Variants in XPO1 observed in about 807,000 individuals in gnomAD.
The protein encoded by XPO1 is exportin 1.
In XPO1, 5 loss-of-function variants were observed where a neutral mutation model predicts 133.3. The observed-to-expected ratio is 0.04, with a 90% confidence interval of 0.02 to 0.08. The LOEUF (loss-of-function observed/expected upper bound fraction) is 0.08, where lower values mean the gene tolerates loss of function less well. XPO1 is among the 10% of genes least tolerant of loss of function. The pLI is 1.00. For synonymous variants in XPO1, 419 were observed against 408.2 expected, an observed-to-expected ratio of 1.03 and a Z score of -0.32; for missense variants, 506 against 1,267.5, an observed-to-expected ratio of 0.40 and a Z score of 9.12.
intron 7 of XPO1, among the ~76,000 whole-genome samples, chr2:61,499,348 G>T (rs1034552447): frequency 1.3e-5 from 2 of 152,152 alleles, no homozygotes; most frequent in African/African-American, 4.8e-5. Flanking sequence ...AGGAGGTGGG[G>T]GTTGTGGTGA....
intron 20 of XPO1, chr2:61,484,719 C>G (rs1696590147): frequency 6.5e-6 from 1 of 152,714 alleles, no homozygotes; most frequent in Non-Finnish European, 1.5e-5. Context: ...GCTCCGCCTC[C>G]CGGGTTCATG....
chr2:61,518,410 AAAACAAAAC>A (rs1177118133), intron 4 of XPO1, among the ~76,000 whole-genome samples: 5 of 144,854 alleles, frequency 3.5e-5, no homozygotes, highest in South Asian at 2.1e-4. Context: ...CAAAAAACAA[AAAACAAAAC>A]ACACACACAC....
chr2:61,517,413 G>A (rs756102697), intron 4 of XPO1, among the ~76,000 whole-genome samples: 7 of 152,118 alleles, frequency 4.6e-5, no homozygotes, highest in Admixed American at 6.6e-5. Context: ...GGCAAACTGT[G>A]TCTCTATCAA....
At chr2:61,489,247 C>A (rs1392735242) in intron 17 of XPO1, among the ~76,000 whole-genome samples, 1 of 151,936 alleles carries the variant, frequency 6.6e-6, no homozygotes, top group African/African-American at 2.4e-5. Context: ...AACCCTGTCT[C>A]TACTAAAAAT....
chr2:61,486,199 GAC>G (rs1696685194), intron 19 of XPO1, among the ~76,000 whole-genome samples: 1 of 151,336 alleles, frequency 6.6e-6, no homozygotes, highest in African/African-American at 2.4e-5. Context: ...TTTTTTTTGA[GAC>G]AGTCTCACTG....
intron 22 of XPO1, 141 bp from the exon 23 acceptor site, chr2:61,482,680 A>G (rs1696455809): frequency 5.8e-6 from 5 of 864,584 alleles, no homozygotes; most frequent in Middle Eastern, 3.6e-4. Flanking sequence ...ATCTTAGTTC[A>G]CTGCAACCTC....
chr2:61,535,636 TGA>T (rs773489216), intron 1 of XPO1, among the ~76,000 whole-genome samples: 4 of 152,196 alleles, frequency 2.6e-5, no homozygotes, highest in Non-Finnish European at 4.4e-5. Flanking sequence ...CTCCAAAAGA[TGA>T]GTCACCTATG....
At chr2:61,528,821 T>G (rs1294919416) in intron 2 of XPO1, among the ~76,000 whole-genome samples, 1 of 148,820 alleles carries the variant, frequency 6.7e-6, no homozygotes, top group Non-Finnish European at 1.5e-5. Context: ...ATTAATATTT[T>G]TACCAACAGC....
chr2:61,533,894 G>C lies in XPO1; in HGVS notation c.4C>G (p.Pro2Ala). 1.9e-6 allele frequency: 3 copies of C among 1,540,952 alleles called. No homozygotes were observed. Among genetic ancestry groups the C allele is most frequent in the East Asian group, 2.4e-5 (1 of 42,454 alleles). M[P>A]AIMTMLADHA... ...TCTGCTAACATTGTCATAATTGCTG[G>C]CATAGATTACTGAAAATAAAGAAAA... The change falls in exon 2 of 25, where the codon CCA (proline) becomes GCA (alanine). Residue 2 changes from proline (P) to alanine (A), a missense_variant. Around this residue, in one of 6 missense-constraint regions of XPO1, gnomAD observed 20 missense variants for 20.4 expected, o/e 0.98. Transcript: ENST00000401558.
intron 17 of XPO1, 81 bp from the exon 18 acceptor site, chr2:61,488,852 A>G: frequency 6.7e-7 from 1 of 1,492,994 alleles, no homozygotes; most frequent in Non-Finnish European, 9.1e-7. Flanking sequence ...CTGTAATCCC[A>G]GCACTCTGAG....
intron 17 of XPO1, among the ~76,000 whole-genome samples, chr2:61,490,015 C>T (rs1383820962): frequency 4.0e-5 from 6 of 151,000 alleles, no homozygotes; most frequent in African/African-American, 7.3e-5. Flanking sequence ...CTCAGCCTCC[C>T]GAGTAGCTGG....
intron 1 of XPO1, chr2:61,536,223 T>G (rs946821476): frequency 6.6e-6 from 1 of 152,236 alleles, no homozygotes; most frequent in African/African-American, 2.4e-5. Flanking sequence ...CTGTACATAG[T>G]ACAGAAATGG....
chr2:61,497,251 C>T (rs1361577885), intron 9 of XPO1, among the ~76,000 whole-genome samples: 3 of 152,080 alleles, frequency 2.0e-5, no homozygotes, highest in Admixed American at 1.3e-4. Flanking sequence ...GAGTCTCGCT[C>T]GCCCAGGCTG....
chr2:61,527,269 A>G (rs1698943787), intron 2 of XPO1, among the ~76,000 whole-genome samples: 1 of 149,936 alleles, frequency 6.7e-6, no homozygotes, highest in Non-Finnish European at 1.5e-5. Flanking sequence ...CAGGGGTTCA[A>G]GACCAGCTGG....
chr2:61,491,836 G>C (rs1295024130), intron 16 of XPO1, among the ~76,000 whole-genome samples, 199 bp downstream of exon 16: 1 of 152,122 alleles, frequency 6.6e-6, no homozygotes, highest in African/African-American at 2.4e-5. Context: ...GGAGTTCAAG[G>C]CTGCAGTGAG....
chr2:61,532,006 G>A (rs1699175240), intron 2 of XPO1, among the ~76,000 whole-genome samples: 3 of 152,100 alleles, frequency 2.0e-5, no homozygotes, highest in African/African-American at 7.2e-5. Context: ...ATTTCATAAG[G>A]GAATGGAAAC....
At chr2:61,522,830 G>A (rs1339956216) in intron 3 of XPO1, 147 bp from the exon 4 acceptor site, 5 of 639,316 alleles carry the variant, frequency 7.8e-6, no homozygotes, top group Non-Finnish European at 8.2e-6. Flanking sequence ...TATTAAACAA[G>A]TATCTATTCA....
At chr2:61,516,370 T>C (rs978682552) in intron 4 of XPO1, among the ~76,000 whole-genome samples, 12 of 152,070 alleles carry the variant, frequency 7.9e-5, no homozygotes, top group Admixed American at 7.9e-4. Flanking sequence ...CCACTTTGGA[T>C]TACTTTTTTC....
At chr2:61,521,637 T>C (rs988415701) in intron 4 of XPO1, among the ~76,000 whole-genome samples, 1 of 152,220 alleles carries the variant, frequency 6.6e-6, no homozygotes, top group Non-Finnish European at 1.5e-5. Context: ...TCTTTCTTCA[T>C]TTCAGAAGCC....
Sources: gnomAD v4.1 joint callset for allele counts (sites outside exome capture counted in the v4.1 genomes callset) on GRCh38, gnomAD v4.1.1 for gene constraint, gnomAD v4.1.1 regional missense constraint, MANE v1.5 for transcripts, NCBI Gene and HGNC (gene_info 2026-07-23, HGNC 2026-07-21) for gene names.